Variants in SH3GL1 observed in about 807,000 individuals in gnomAD.
SH3GL1 encodes endophilin-A2.
A neutral mutation model predicts 48.8 loss-of-function variants in SH3GL1; 21 were observed. The ratio of observed to expected loss-of-function variants is 0.43; its 90% CI spans 0.30 to 0.62. SH3GL1 has a LOEUF of 0.62. Among genes scored for constraint, SH3GL1 ranks in the 20% least tolerant of loss-of-function variants. SH3GL1 has a pLI of 0.11. For missense variants in SH3GL1, 454 were observed against 503.0 expected, an observed-to-expected ratio of 0.90 and a Z score of 0.93; for synonymous variants, 282 against 217.5, an observed-to-expected ratio of 1.30 and a Z score of -2.61.
Position 4,361,141 on chromosome 19 carries a change from C to CCTAT in SH3GL1, c.*455_*458dup, listed in dbSNP as rs902569873. 3.1e-5 allele frequency: 8 copies of CCTAT among 257,178 alleles called. No individual in the cohort carries two copies. Among genetic ancestry groups the CCTAT allele is most frequent in the African/African-American group, 1.3e-4 (6 of 45,712 alleles). 15.9% of individuals were successfully genotyped at this position (257,178 alleles called of 1,614,324 possible). ...GCTGGGAGGGATTTAAAACCAGGGTCCTATCTCTGAGCCACCCCATGGGGA... is the reference window on the plus strand; with the variant it reads ...GCTGGGAGGGATTTAAAACCAGGGTCCTATCTATCTCTGAGCCACCCCATGGGGA... On this transcript the variant is annotated 3_prime_UTR_variant, in exon 10 of 10. Coordinates refer to ENST00000269886, the MANE Select transcript of SH3GL1 (RefSeq NM_003025.4).
intron 1 of SH3GL1, among the ~76,000 whole-genome samples, chr19:4,386,555 C>G (rs1973239942): frequency 7.4e-6 from 1 of 134,232 alleles, no homozygotes; most frequent in Non-Finnish European, 1.5e-5. Context: ...CCAGGCAGAT[C>G]TCAAACTCCC....
At chr19:4,394,617 TTCTTACCATTATCACCAACGAGAGA>T (rs1659676326) in intron 1 of SH3GL1, among the ~76,000 whole-genome samples, 1 of 152,038 alleles carries the variant, frequency 6.6e-6, no homozygotes, top group Non-Finnish European at 1.5e-5. Context: ...CCCACTAAGG[TTCTTACCATTATCACCAACGAGAGA>T]TCAGAAACTC....
chr19:4,375,061 G>A (rs1016217047), intron 1 of SH3GL1, among the ~76,000 whole-genome samples: 9 of 152,158 alleles, frequency 5.9e-5, no homozygotes, highest in African/African-American at 2.2e-4. Context: ...CACTGAGCCC[G>A]ACCTGCTCCC....
At chr19:4,394,172 T>C in intron 1 of SH3GL1, among the ~76,000 whole-genome samples, 1 of 143,738 alleles carries the variant, frequency 7.0e-6, no homozygotes, top group South Asian at 2.3e-4. Flanking sequence ...AGCTGCCAGC[T>C]CTACCCCTAG....
chr19:4,367,161 C>G lies in SH3GL1; in HGVS notation c.46-167G>C, dbSNP rs936297039. ...CTGCCGTGGGCACCCCAGGGCCACA[C>G]GCTGCCTGCAGAGCAGGGTGGGCCT... On this transcript the variant is annotated intron_variant, in intron 1 of 9. Coordinates refer to ENST00000269886, the MANE Select transcript of SH3GL1 (RefSeq NM_003025.4). The surrounding 1 kb of genome is among the most constrained non-coding windows in gnomAD (Gnocchi z 4.2). 2.7e-5 allele frequency among the ~76,000 whole-genome samples: 4 copies of G among 150,836 alleles called. No homozygotes were observed. Among genetic ancestry groups the G allele is most frequent in the African/African-American group, 9.7e-5 (4 of 41,282 alleles).
intron 5 of SH3GL1, 91 bp downstream of exon 5, chr19:4,363,997 G>A: frequency 6.2e-7 from 1 of 1,604,072 alleles, no homozygotes; most frequent in Non-Finnish European, 8.5e-7. Flanking sequence ...CCAGAGGGCA[G>A]TGCCGAGGCT....
At chr19:4,391,305 C>T (rs576169660) in intron 1 of SH3GL1, among the ~76,000 whole-genome samples, 13 of 152,226 alleles carry the variant, frequency 8.5e-5, no homozygotes, top group South Asian at 8.3e-4. Context: ...TTCAACTGAG[C>T]GGCATAAGGT....
chr19:4,369,684 GC>G (rs1265180527), intron 1 of SH3GL1, among the ~76,000 whole-genome samples: 1 of 152,222 alleles, frequency 6.6e-6, no homozygotes, highest in Non-Finnish European at 1.5e-5. Flanking sequence ...GCCTTCCTGA[GC>G]CCCAGGACGA....
intron 1 of SH3GL1, among the ~76,000 whole-genome samples, chr19:4,375,683 CATGCATT>C (rs1972994115): frequency 6.6e-6 from 1 of 152,384 alleles, no homozygotes; most frequent in African/African-American, 2.4e-5. Context: ...CCTCATGCAT[CATGCATT>C]GTAATTTCTC....
Position 4,361,512 on chromosome 19 carries a change from T to G in SH3GL1, c.*88A>C, listed in dbSNP as rs1972610175. ...GCGCCGGCAGGCTCAGACACCGCCC[T>G]GGCAGCAGGGGCTCCGTGGAATGCA... On this transcript the variant is annotated 3_prime_UTR_variant, in exon 10 of 10. Transcript: ENST00000269886. 6.5e-6 allele frequency: 7 copies of G among 1,076,318 alleles called. No individual in the cohort carries two copies. The highest frequency in any genetic ancestry group is 9.4e-6 in the Non-Finnish European group (7 of 743,658). The allele number at this position is 1,076,318 out of a possible 1,614,324, so 66.7% of individuals were successfully genotyped here. A position where few individuals can be genotyped will look rare whatever the true frequency, so the allele number is the denominator to read the frequency against.
chr19:4,378,788 G>A (rs1463962991), intron 1 of SH3GL1, among the ~76,000 whole-genome samples: 1 of 152,188 alleles, frequency 6.6e-6, no homozygotes, highest in Non-Finnish European at 1.5e-5. Context: ...GAGCAACTGA[G>A]TCCCGAGGAA....
At chr19:4,374,212 G>GAATC (rs1301158383) in intron 1 of SH3GL1, among the ~76,000 whole-genome samples, 2 of 152,230 alleles carry the variant, frequency 1.3e-5, no homozygotes, top group African/African-American at 4.8e-5. Flanking sequence ...AGCAGAGAGG[G>GAATC]AATCAGCCAC....
chr19:4,371,316 C>T (rs2144879222), intron 1 of SH3GL1, among the ~76,000 whole-genome samples: 1 of 152,354 alleles, frequency 6.6e-6, no homozygotes, highest in East Asian at 1.9e-4. Context: ...CCAGGTTTTA[C>T]CCAGAGGGGT....
chr19:4,381,955 C>A (rs1973142678), intron 1 of SH3GL1, among the ~76,000 whole-genome samples: 1 of 151,996 alleles, frequency 6.6e-6, no homozygotes, highest in Non-Finnish European at 1.5e-5. Context: ...TGACTTACAG[C>A]CACACACGAC....
chr19:4,369,338 T>C (rs562389176), intron 1 of SH3GL1, among the ~76,000 whole-genome samples: 3 of 152,144 alleles, frequency 2.0e-5, no homozygotes, highest in African/African-American at 7.2e-5. Flanking sequence ...GAGAGGGAAA[T>C]GAGTGGCTGA....
intron 1 of SH3GL1, among the ~76,000 whole-genome samples, chr19:4,388,842 C>T (rs892544538): frequency 6.6e-6 from 1 of 152,228 alleles, no homozygotes; most frequent in Non-Finnish European, 1.5e-5. Context: ...GTCAGGCCCT[C>T]GGACCTGGCC....
intron 1 of SH3GL1, among the ~76,000 whole-genome samples, chr19:4,392,518 TCACACACACACACACA>T (rs60108906): frequency 0.046 from 6,278 of 137,720 alleles, 169 homozygotes; most frequent in East Asian, 0.07. Flanking sequence ...CAAGACTCCG[TCACACACACACACACA>T]CACACACACA....
intron 1 of SH3GL1, among the ~76,000 whole-genome samples, chr19:4,369,951 G>A (rs891690765): frequency 9.9e-5 from 15 of 152,258 alleles, no homozygotes; most frequent in Admixed American, 3.9e-4. Flanking sequence ...CAAGGCAGCC[G>A]GGCCACGTGC....
intron 2 of SH3GL1, among the ~76,000 whole-genome samples, 172 bp downstream of exon 2, chr19:4,366,754 G>A (rs1162758302): frequency 6.6e-6 from 1 of 151,924 alleles, no homozygotes; most frequent in Non-Finnish European, 1.5e-5. Context: ...GAGAGAGCTG[G>A]TGCCCGTCAA....
Sources: allele counts gnomAD v4.1 joint callset (sites outside exome capture counted in the v4.1 genomes callset), GRCh38; gene constraint gnomAD v4.1.1; non-coding constraint Gnocchi (gnomAD v3.1); transcripts MANE v1.5; gene names NCBI Gene and HGNC (gene_info 2026-07-23, HGNC 2026-07-21).